LMBRD1: variants seen among roughly 807,000 people sequenced by gnomAD.
The protein encoded by LMBRD1 is lysosomal cobalamin transport escort protein LMBD1.
A neutral mutation model predicts 74.8 loss-of-function variants in LMBRD1; 64 were observed. The observed-to-expected ratio is 0.86, with a 90% confidence interval of 0.70 to 1.05. The LOEUF (loss-of-function observed/expected upper bound fraction) is 1.05, where lower values mean the gene tolerates loss of function less well. Ranked by LOEUF, LMBRD1 falls within the 50% of genes least tolerant of loss-of-function variation. The pLI is 0.00. For synonymous variants in LMBRD1, 204 were observed against 216.3 expected, an observed-to-expected ratio of 0.94 and a Z score of 0.50; for missense variants, 652 against 645.9, an observed-to-expected ratio of 1.01 and a Z score of -0.10.
chr6:69,752,382 C>T (rs1765177783), intron 3 of LMBRD1, 26 bp from the exon 4 acceptor site: 6 of 1,562,360 alleles, frequency 3.8e-6, no homozygotes, highest in Admixed American at 1.7e-5. Context: ...ATAAACCGAG[C>T]TTTACTAAAT....
Position 69,709,982 on chromosome 6 carries a change from C to T in LMBRD1, c.915+3663G>A, listed in dbSNP as rs187712770. ...GAGTGAAAGTAATCCCAATAGATAT[C>T]CTAGTGGATGTTTTGTGGAATTATA... is the stretch of plus-strand genomic sequence containing the variant. On this transcript the variant is annotated intron_variant, in intron 9 of 15. Coordinates refer to ENST00000649934, the MANE Select transcript of LMBRD1 (RefSeq NM_018368.4). Among the ~76,000 whole-genome samples the T allele has an allele frequency of 3.7e-4, 57 of 152,168 alleles. 1 individual carries two copies. The South Asian group carries it at 6.0e-3, about 16-fold the overall frequency.
intron 9 of LMBRD1, among the ~76,000 whole-genome samples, chr6:69,709,093 G>A (rs947041332): frequency 6.6e-6 from 1 of 152,102 alleles, no homozygotes; most frequent in African/African-American, 2.4e-5. Context: ...AATTAGCCAG[G>A]CGTGGTGGCA....
intron 14 of LMBRD1, among the ~76,000 whole-genome samples, chr6:69,688,109 G>T (rs1465855401): frequency 6.6e-6 from 1 of 152,082 alleles, no homozygotes; most frequent in Non-Finnish European, 1.5e-5. Context: ...TATTAACGAA[G>T]ATATTAGGAG....
At chr6:69,748,626 A>C (rs1765048454) in intron 5 of LMBRD1, among the ~76,000 whole-genome samples, 1 of 152,068 alleles carries the variant, frequency 6.6e-6, no homozygotes, top group Non-Finnish European at 1.5e-5. Context: ...TGTGAGACTA[A>C]ATTATAAACA....
intron 14 of LMBRD1, among the ~76,000 whole-genome samples, chr6:69,691,676 A>G (rs1166749780): frequency 6.6e-6 from 1 of 152,074 alleles, no homozygotes; most frequent in East Asian, 1.9e-4. Flanking sequence ...GGAGATGGAG[A>G]TCATCCTGGC....
chr6:69,737,252 T>C (rs1045311567), intron 7 of LMBRD1, among the ~76,000 whole-genome samples: 6 of 152,136 alleles, frequency 3.9e-5, no homozygotes, highest in African/African-American at 1.4e-4. Context: ...ATGCTGCTTA[T>C]ACAACTCTCA....
At chr6:69,792,289 G>A (rs1182957755) in intron 1 of LMBRD1, among the ~76,000 whole-genome samples, 1 of 152,168 alleles carries the variant, frequency 6.6e-6, no homozygotes, top group Non-Finnish European at 1.5e-5. Context: ...ACCAGCTGGG[G>A]TTGAGATCCC....
At chr6:69,784,144 C>T (rs1430479687) in intron 2 of LMBRD1, among the ~76,000 whole-genome samples, 1 of 152,202 alleles carries the variant, frequency 6.6e-6, no homozygotes, top group East Asian at 1.9e-4. Context: ...TTGGGAACCA[C>T]TATGACCTTG....
chr6:69,716,956 T>C (rs1371090327), intron 8 of LMBRD1, among the ~76,000 whole-genome samples: 2 of 151,694 alleles, frequency 1.3e-5, no homozygotes, highest in Non-Finnish European at 2.9e-5. Flanking sequence ...CATTCAATTT[T>C]CTTTAAAAAG....
At chr6:69,778,808 C>T (rs984229016) in intron 3 of LMBRD1, among the ~76,000 whole-genome samples, 4 of 151,886 alleles carry the variant, frequency 2.6e-5, no homozygotes, top group Admixed American at 6.6e-5. Flanking sequence ...TTCATAAATA[C>T]TAAAATCTAC....
chr6:69,705,658 T>TATC (rs759919385), intron 9 of LMBRD1: 22 of 875,982 alleles, frequency 2.5e-5, no homozygotes, highest in East Asian at 9.7e-5. Flanking sequence ...TCTTCATCAT[T>TATC]ATCATCATCA....
At chr6:69,742,278 GA>G (rs1767121989) in intron 5 of LMBRD1, among the ~76,000 whole-genome samples, 1 of 152,068 alleles carries the variant, frequency 6.6e-6, no homozygotes, top group African/African-American at 2.4e-5. Context: ...AATTATTTAA[GA>G]AACAAAAGAA....
At chr6:69,705,763 T>G in intron 9 of LMBRD1, 1 of 1,208,800 alleles carries the variant, frequency 8.3e-7, no homozygotes, top group Non-Finnish European at 1.2e-6. Flanking sequence ...CTTAAGAGTT[T>G]CACATCCTCC....
intron 14 of LMBRD1, among the ~76,000 whole-genome samples, chr6:69,695,554 A>G (rs928294617): frequency 2.0e-5 from 3 of 152,190 alleles, no homozygotes; most frequent in Non-Finnish European, 4.4e-5. Context: ...ACATCATCCC[A>G]CATCTTTTAA....
intron 8 of LMBRD1, among the ~76,000 whole-genome samples, chr6:69,717,683 T>C (rs1299739905): frequency 6.6e-6 from 1 of 152,168 alleles, no homozygotes; most frequent in East Asian, 1.9e-4. Flanking sequence ...AGGTTTTGAA[T>C]TGCTACTTTT....
chr6:69,678,681 T>C (rs1364958591), intron 14 of LMBRD1, among the ~76,000 whole-genome samples: 1 of 152,140 alleles, frequency 6.6e-6, no homozygotes, highest in Non-Finnish European at 1.5e-5. Context: ...CAATCTCATA[T>C]CCTATTGTTA....
intron 3 of LMBRD1, among the ~76,000 whole-genome samples, chr6:69,777,918 T>C (rs1446242179): frequency 6.6e-6 from 1 of 152,216 alleles, no homozygotes; most frequent in Non-Finnish European, 1.5e-5. Flanking sequence ...TGTTTCCTAT[T>C]AGGGCAGTTA....
chr6:69,728,028 T>C (rs1766773051), intron 7 of LMBRD1, among the ~76,000 whole-genome samples: 1 of 152,198 alleles, frequency 6.6e-6, no homozygotes, highest in South Asian at 2.1e-4. Flanking sequence ...TGAGACTGGG[T>C]AATTTATAAA....
intron 3 of LMBRD1, among the ~76,000 whole-genome samples, chr6:69,767,168 T>C (rs1263802304): frequency 6.6e-6 from 1 of 151,750 alleles, no homozygotes; most frequent in Non-Finnish European, 1.5e-5. Context: ...GAACCTACTT[T>C]GGTTTGAATT....
Sources: allele counts gnomAD v4.1 joint callset (sites outside exome capture counted in the v4.1 genomes callset), GRCh38; gene constraint gnomAD v4.1.1; transcripts MANE v1.5; gene names NCBI Gene and HGNC (gene_info 2026-07-23, HGNC 2026-07-21).